The following PCED1B variants were observed in gnomAD, a reference collection of about 807,000 sequenced individuals.
PCED1B encodes PC-esterase domain-containing protein 1B.
For missense variants in PCED1B, 573 were observed against 573.9 expected, an observed-to-expected ratio of 1.00 and a Z score of 0.02; for synonymous variants, 251 against 246.1, an observed-to-expected ratio of 1.02 and a Z score of -0.19.
At chr12:47,182,368 C>T (rs555830175) in intron 2 of PCED1B, among the ~76,000 whole-genome samples, 7 of 151,926 alleles carry the variant, frequency 4.6e-5, no homozygotes, top group Admixed American at 3.3e-4. Flanking sequence ...CTGAGGCAGG[C>T]GGATCACAAG....
chr12:47,121,156 T>C (rs1939662491), intron 2 of PCED1B, among the ~76,000 whole-genome samples: 2 of 152,240 alleles, frequency 1.3e-5, no homozygotes, highest in African/African-American at 2.4e-5. Context: ...ATGTGAATTA[T>C]TTCTCCATAA....
intron 2 of PCED1B, chr12:47,135,762 T>C: frequency 1.9e-6 from 1 of 528,714 alleles, no homozygotes; most frequent in East Asian, 5.3e-5. Flanking sequence ...ACTGCAGATG[T>C]GGATCATGGT....
chr12:47,137,330 T>A (rs1940415453), intron 2 of PCED1B, among the ~76,000 whole-genome samples: 1 of 152,192 alleles, frequency 6.6e-6, no homozygotes, highest in South Asian at 2.1e-4. Context: ...ATAGATGTGA[T>A]TAGAGTGGAA....
rs377497943 is a variant in PCED1B, at chr12:47,116,046, T to C, written c.-526+11851T>C. Among the ~76,000 whole-genome samples the C allele has an allele frequency of 2.2e-4, 33 of 152,336 alleles. No individual in the cohort carries two copies. The East Asian group carries it at 6.0e-3, about 28-fold the overall frequency. On this transcript the variant is annotated intron_variant, in intron 2 of 3. Transcript: ENST00000546455. ...ATATAGAACAAGAAAATATTCCTGA[T>C]TCAATTGTTTCATGATTTCTATTAG...
At chr12:47,177,088 G>T (rs1941947509) in intron 2 of PCED1B, among the ~76,000 whole-genome samples, 1 of 152,196 alleles carries the variant, frequency 6.6e-6, no homozygotes, top group Non-Finnish European at 1.5e-5. Context: ...TGTGAACTCT[G>T]AGATGCCTCA....
chr12:47,231,148 T>A (rs1943793267), intron 3 of PCED1B, among the ~76,000 whole-genome samples: 1 of 152,150 alleles, frequency 6.6e-6, no homozygotes. Context: ...AGTTCTTAAG[T>A]GGGATCTTCG....
chr12:47,126,703 A>G (rs1939901920), intron 2 of PCED1B, among the ~76,000 whole-genome samples: 1 of 152,072 alleles, frequency 6.6e-6, no homozygotes, highest in Admixed American at 6.6e-5. Flanking sequence ...TAGGTTGTTT[A>G]TTTCTTCTTA....
chr12:47,220,124 T>G (rs1943433273), intron 3 of PCED1B, among the ~76,000 whole-genome samples: 1 of 149,424 alleles, frequency 6.7e-6, no homozygotes, highest in Non-Finnish European at 1.5e-5. Flanking sequence ...GTCAAAAGAA[T>G]AGTTCTGCCA....
intron 1 of PCED1B, among the ~76,000 whole-genome samples, chr12:47,098,873 T>C (rs1938588063): frequency 6.6e-6 from 1 of 152,150 alleles, no homozygotes; most frequent in Non-Finnish European, 1.5e-5. Flanking sequence ...ACCAATCAAC[T>C]TGAGTTTCAG....
rs540022126 is a variant in PCED1B at position 47,233,311 on chromosome 12, T to G, written c.-57-1696T>G. 2.6e-3 allele frequency among the ~76,000 whole-genome samples: 391 copies of G among 152,264 alleles called. 2 individuals carry two copies. The highest frequency in any genetic ancestry group is 6.8e-3 in the Middle Eastern group (2 of 294). ...TGTCCGCCACCACGCCCGGCTAATT[T>G]TTTGTATTTTTAGTAGAGACGGGGT... On this transcript the variant is annotated intron_variant, in intron 3 of 3. Transcript: ENST00000546455.
intron 1 of PCED1B, among the ~76,000 whole-genome samples, chr12:47,103,785 C>T (rs1387337505): frequency 6.6e-6 from 1 of 152,110 alleles, no homozygotes; most frequent in Non-Finnish European, 1.5e-5. Flanking sequence ...AGCTCAAAGC[C>T]GTAAGACATC....
intron 2 of PCED1B, among the ~76,000 whole-genome samples, chr12:47,145,561 T>A (rs1205030828): frequency 2.0e-5 from 3 of 152,178 alleles, no homozygotes; most frequent in Non-Finnish European, 2.9e-5. Context: ...CCGATGCAAC[T>A]GGTGACTTTA....
chr12:47,124,340 T>C (rs1290331765), intron 2 of PCED1B, among the ~76,000 whole-genome samples: 2 of 152,098 alleles, frequency 1.3e-5, no homozygotes, highest in Non-Finnish European at 2.9e-5. Context: ...TGTTGTTTTA[T>C]GTATCAATAG....
At chr12:47,184,620 TCCTTTTTCCCTTC>T in intron 2 of PCED1B, among the ~76,000 whole-genome samples, 1 of 151,802 alleles carries the variant, frequency 6.6e-6, no homozygotes, top group Admixed American at 6.6e-5. Flanking sequence ...CTTCCTTCCT[TCCTTTTTCCCTTC>T]CCTTTTTCCT....
chr12:47,187,282 A>G (rs1592256914), intron 2 of PCED1B, among the ~76,000 whole-genome samples: 1 of 152,222 alleles, frequency 6.6e-6, no homozygotes, highest in African/African-American at 2.4e-5. Context: ...GGGAGAGACC[A>G]TGGGATCTTA....
chr12:47,132,034 G>A (rs1031692215), intron 2 of PCED1B, among the ~76,000 whole-genome samples: 1 of 152,156 alleles, frequency 6.6e-6, no homozygotes, highest in Non-Finnish European at 1.5e-5. Flanking sequence ...AAAGGCAGAT[G>A]ACCTGGCCAG....
chr12:47,153,087 C>T (rs938356851), intron 2 of PCED1B, among the ~76,000 whole-genome samples: 1 of 151,976 alleles, frequency 6.6e-6, no homozygotes, highest in African/African-American at 2.4e-5. Flanking sequence ...CAGTGGCTCA[C>T]GCCTGTAATC....
At chr12:47,189,589 G>A (rs1220141793) in intron 2 of PCED1B, among the ~76,000 whole-genome samples, 2 of 152,106 alleles carry the variant, frequency 1.3e-5, no homozygotes, top group African/African-American at 2.4e-5. Flanking sequence ...TTATATTAGT[G>A]GCTTTCTGCT....
intron 1 of PCED1B, among the ~76,000 whole-genome samples, chr12:47,081,046 A>G (rs971502105): frequency 6.6e-6 from 1 of 152,268 alleles, no homozygotes; most frequent in Admixed American, 6.5e-5. Flanking sequence ...GGTGGAGACT[A>G]TGAGGCTGAT....
Sources: allele counts gnomAD v4.1 joint callset (sites outside exome capture counted in the v4.1 genomes callset), GRCh38; gene constraint gnomAD v4.1.1; transcripts MANE v1.5; gene names NCBI Gene and HGNC (gene_info 2026-07-23, HGNC 2026-07-21).